Variants in LSAMP observed in about 807,000 individuals in gnomAD.
The protein encoded by LSAMP is limbic system associated membrane protein.
A neutral mutation model predicts 38.6 loss-of-function variants in LSAMP; 7 were observed. That is an observed-to-expected ratio of 0.18 (90% CI 0.10 to 0.34). The LOEUF (loss-of-function observed/expected upper bound fraction) is 0.34, where lower values mean the gene tolerates loss of function less well. LSAMP is among the 10% of genes least tolerant of loss of function. The pLI is 1.00. For missense variants in LSAMP, 313 were observed against 420.0 expected (o/e 0.75, Z 2.23); for synonymous variants, 154 against 166.8 (o/e 0.92, Z 0.59).
intron 3 of LSAMP, among the ~76,000 whole-genome samples, chr3:115,860,350 T>C (rs1935638672): frequency 6.6e-6 from 1 of 152,246 alleles, no homozygotes; most frequent in African/African-American, 2.4e-5. Context: ...TTGGGACTCA[T>C]GTTCCGAACT....
intron 1 of LSAMP, among the ~76,000 whole-genome samples, chr3:116,203,231 G>C (rs1268148877): frequency 6.6e-6 from 1 of 151,944 alleles, no homozygotes; most frequent in Admixed American, 6.6e-5. Context: ...TTCACCATTA[G>C]GTATTTCATT....
chr3:115,918,642 C>A (rs1290922126), intron 3 of LSAMP, among the ~76,000 whole-genome samples: 1 of 151,224 alleles, frequency 6.6e-6, no homozygotes, highest in African/African-American at 2.4e-5. Flanking sequence ...TCAGTGGCTG[C>A]TTTGCTCAGA....
intron 1 of LSAMP, among the ~76,000 whole-genome samples, chr3:116,443,944 G>T (rs1458865425): frequency 6.6e-6 from 1 of 152,126 alleles, no homozygotes; most frequent in Non-Finnish European, 1.5e-5. Flanking sequence ...ATAAAAATAT[G>T]ACTAGGTCTC....
chr3:116,122,554 C>T (rs532795867), intron 1 of LSAMP, among the ~76,000 whole-genome samples: 1 of 152,294 alleles, frequency 6.6e-6, no homozygotes, highest in South Asian at 2.1e-4. Flanking sequence ...ATGTTTTTCA[C>T]ATTCAGCCAT....
At chr3:116,397,756 C>T (rs1472217640) in intron 1 of LSAMP, among the ~76,000 whole-genome samples, 3 of 152,046 alleles carry the variant, frequency 2.0e-5, no homozygotes, top group Non-Finnish European at 4.4e-5. Context: ...CAGAGGAAGG[C>T]ACCACTCAGA....
intron 1 of LSAMP, among the ~76,000 whole-genome samples, chr3:116,211,957 G>C (rs750941065): frequency 6.6e-6 from 1 of 152,168 alleles, no homozygotes; most frequent in Non-Finnish European, 1.5e-5. Flanking sequence ...GGAAGCTTGT[G>C]TCAGTATTCT....
intron 2 of LSAMP, among the ~76,000 whole-genome samples, chr3:116,026,022 C>A (rs76661332): frequency 6.6e-6 from 1 of 152,078 alleles, no homozygotes; most frequent in Non-Finnish European, 1.5e-5. Flanking sequence ...TGGGCTCAAG[C>A]GATTCTTCTA....
intron 2 of LSAMP, among the ~76,000 whole-genome samples, chr3:116,048,130 T>G (rs1243463387): frequency 1.3e-5 from 2 of 152,202 alleles, no homozygotes; most frequent in Non-Finnish European, 2.9e-5. Flanking sequence ...GTGAATAAAC[T>G]TTGCCACTGA....
At chr3:115,862,406 A>G (rs1307235319) in intron 3 of LSAMP, among the ~76,000 whole-genome samples, 1 of 152,206 alleles carries the variant, frequency 6.6e-6, no homozygotes, top group Non-Finnish European at 1.5e-5. Context: ...AACAAAGCAG[A>G]CAATAACCCC....
intron 3 of LSAMP, among the ~76,000 whole-genome samples, chr3:115,893,762 T>C (rs1936661020): frequency 6.6e-6 from 1 of 152,066 alleles, no homozygotes; most frequent in East Asian, 1.9e-4. Flanking sequence ...CTCGATTTTA[T>C]GTTTAACTTC....
chr3:116,063,702 T>C (rs1340429689), intron 2 of LSAMP, among the ~76,000 whole-genome samples: 1 of 152,118 alleles, frequency 6.6e-6, no homozygotes, highest in Non-Finnish European at 1.5e-5. Context: ...TTAGAAATTA[T>C]TATGAAATAA....
At chr3:116,209,623 CGGA>C (rs1278576682) in intron 1 of LSAMP, among the ~76,000 whole-genome samples, 1 of 152,018 alleles carries the variant, frequency 6.6e-6, no homozygotes, top group African/African-American at 2.4e-5. Flanking sequence ...GCTTTGATGT[CGGA>C]GAAGTAAGAC....
At chr3:116,036,709 TAA>T (rs1491071408) in intron 2 of LSAMP, among the ~76,000 whole-genome samples, 1 of 152,028 alleles carries the variant, frequency 6.6e-6, no homozygotes, top group Non-Finnish European at 1.5e-5. Context: ...AAAGATAATA[TAA>T]GAGTATTATT....
At chr3:116,133,127 T>C (rs892858691) in intron 1 of LSAMP, among the ~76,000 whole-genome samples, 1 of 152,332 alleles carries the variant, frequency 6.6e-6, no homozygotes, top group Non-Finnish European at 1.5e-5. Flanking sequence ...ACTTGCCTTC[T>C]TGTTCAATCA....
chr3:116,084,036 G>C (rs1348036121), intron 2 of LSAMP, among the ~76,000 whole-genome samples: 4 of 152,096 alleles, frequency 2.6e-5, no homozygotes, highest in Admixed American at 2.6e-4. Flanking sequence ...AAATACAATA[G>C]TATCCTGAAT....
intron 4 of LSAMP, 75 bp from the exon 5 acceptor site, chr3:115,842,653 A>C: frequency 1.3e-6 from 2 of 1,573,018 alleles, no homozygotes; most frequent in East Asian, 2.3e-5. Flanking sequence ...AGGAATGAAG[A>C]AGGACAATCT....
intron 1 of LSAMP, among the ~76,000 whole-genome samples, chr3:116,347,062 C>T (rs1373352378): frequency 6.6e-6 from 1 of 152,140 alleles, no homozygotes; most frequent in Non-Finnish European, 1.5e-5. Flanking sequence ...CAACTATATA[C>T]AAATGTAGGG....
At chr3:116,050,489 C>T (rs1259532025) in intron 2 of LSAMP, among the ~76,000 whole-genome samples, 1 of 151,794 alleles carries the variant, frequency 6.6e-6, no homozygotes. Context: ...CTCAGGTTTA[C>T]CTTTATTCTG....
At chr3:116,028,700 T>A (rs546437914) in intron 2 of LSAMP, among the ~76,000 whole-genome samples, 89 of 152,288 alleles carry the variant, frequency 5.8e-4, no homozygotes, top group African/African-American at 2.1e-3. Flanking sequence ...TAAAGAAGTG[T>A]TGGCTTGAGC....
Sources: gnomAD v4.1 joint callset for allele counts (sites outside exome capture counted in the v4.1 genomes callset) on GRCh38, gnomAD v4.1.1 for gene constraint, MANE v1.5 for transcripts, NCBI Gene and HGNC (gene_info 2026-07-23, HGNC 2026-07-21) for gene names.